NOL4: variants seen among roughly 807,000 people sequenced by gnomAD.
NOL4 encodes the protein nucleolar protein 4.
In NOL4, 17 loss-of-function variants were observed where a neutral mutation model predicts 75.9. The observed-to-expected ratio is 0.22, with a 90% CI of 0.15 to 0.34. NOL4 has a LOEUF of 0.34. NOL4 is among the 10% of genes least tolerant of loss of function. The pLI is 1.00. For synonymous variants in NOL4, 292 were observed against 289.9 expected, an observed-to-expected ratio of 1.01 and a Z score of -0.07; for missense variants, 614 against 793.5, an observed-to-expected ratio of 0.77 and a Z score of 2.72.
intron 1 of NOL4, among the ~76,000 whole-genome samples, chr18:34,146,163 T>C (rs2081383701): frequency 6.6e-6 from 1 of 152,080 alleles, no homozygotes; most frequent in South Asian, 2.1e-4. Context: ...AAAATGCAAG[T>C]AATTTTCAAA....
chr18:33,912,126 C>A (rs2066445161), intron 9 of NOL4, among the ~76,000 whole-genome samples: 1 of 152,034 alleles, frequency 6.6e-6, no homozygotes, highest in Non-Finnish European at 1.5e-5. Flanking sequence ...TCGACAGAGA[C>A]TGAGTGGCTT....
At chr18:34,151,397 T>C (rs965000730) in intron 1 of NOL4, among the ~76,000 whole-genome samples, 1 of 151,754 alleles carries the variant, frequency 6.6e-6, no homozygotes, top group African/African-American at 2.4e-5. Flanking sequence ...TATCAAGCCA[T>C]GAAAATACAT....
chr18:34,163,197 C>T (rs1252988059), intron 1 of NOL4, among the ~76,000 whole-genome samples: 2 of 152,278 alleles, frequency 1.3e-5, no homozygotes, highest in South Asian at 2.1e-4. Flanking sequence ...GGGATGCCCT[C>T]TCTCACCACT....
At chr18:33,996,564 C>T (rs2073299168) in intron 6 of NOL4, among the ~76,000 whole-genome samples, 1 of 151,824 alleles carries the variant, frequency 6.6e-6, no homozygotes, top group Non-Finnish European at 1.5e-5. Context: ...CACTTCAACA[C>T]TTTCCCTCTT....
chr18:34,081,873 T>C (rs574870671), intron 5 of NOL4, among the ~76,000 whole-genome samples: 141 of 152,278 alleles, frequency 9.3e-4, no homozygotes, highest in African/African-American at 3.2e-3. Flanking sequence ...GCAATTATTG[T>C]CAAGAGAGAT....
intron 5 of NOL4, among the ~76,000 whole-genome samples, chr18:34,076,226 G>T (rs1044768046): frequency 6.6e-6 from 1 of 152,134 alleles, no homozygotes; most frequent in Non-Finnish European, 1.5e-5. Context: ...CACTAGCAAA[G>T]TTGGCTTGGC....
intron 2 of NOL4, among the ~76,000 whole-genome samples, chr18:34,117,419 A>T (rs1376902792): frequency 6.6e-6 from 1 of 152,224 alleles, no homozygotes. Flanking sequence ...TTAACCTCAC[A>T]GCATAGGTTA....
At position 33,986,708 on chromosome 18, in the gene NOL4, T is replaced by C. The variant is rs538575221; in HGVS notation, c.1057-28290A>G. On this transcript the variant is annotated intron_variant, in intron 6 of 10. Coordinates refer to ENST00000261592, the MANE Select transcript of NOL4 (RefSeq NM_003787.5). ...ATGATATAGCCACTTTGACAATCAG[T>C]TGGGCATTTTTAAAAAATGTAACAT... Among the ~76,000 whole-genome samples, 25 of 152,200 alleles carry C rather than the reference T, an allele frequency of 1.6e-4. No individual in the cohort carries two copies. The South Asian group carries it at 5.0e-3, about 30-fold the overall frequency.
rs761922743 is a variant in NOL4, at chr18:34,223,389, G to T, written c.-136C>A. 7.8e-6 allele frequency: 10 copies of T among 1,289,942 alleles called. No individual in the cohort carries two copies. In the East Asian group the frequency reaches 2.2e-4, roughly 28 times the overall value. 79.9% of individuals were successfully genotyped at this position (1,289,942 alleles called of 1,614,324 possible). A position where few individuals can be genotyped will look rare whatever the true frequency, so the allele number is the denominator to read the frequency against. ...GCCGCAGCGGGAGCCTGCTTTGGGT[G>T]GGGGAAGGGATGGGAAGAGGGGAGG... On this transcript the variant is annotated 5_prime_UTR_variant, in exon 1 of 11. Coordinates refer to ENST00000261592, the MANE Select transcript of NOL4 (RefSeq NM_003787.5).
At chr18:33,996,824 G>C (rs1163553880) in intron 6 of NOL4, among the ~76,000 whole-genome samples, 1 of 151,804 alleles carries the variant, frequency 6.6e-6, no homozygotes, top group East Asian at 1.9e-4. Context: ...TGGGAACCTG[G>C]CTTGATTCCA....
chr18:34,105,393 G>A (rs1004748152), intron 2 of NOL4, among the ~76,000 whole-genome samples: 5 of 151,862 alleles, frequency 3.3e-5, no homozygotes, highest in African/African-American at 1.2e-4. Flanking sequence ...ACCACATCTC[G>A]ATGGGCATCT....
intron 1 of NOL4, among the ~76,000 whole-genome samples, chr18:34,148,006 G>A (rs146176780): frequency 0.019 from 2,875 of 152,152 alleles, 98 homozygotes; most frequent in African/African-American, 0.066. Flanking sequence ...TTTACATAGA[G>A]GTGTTTATAG....
chr18:34,149,730 A>C (rs1261390284), intron 1 of NOL4, among the ~76,000 whole-genome samples: 4 of 151,642 alleles, frequency 2.6e-5, no homozygotes, highest in Non-Finnish European at 5.9e-5. Context: ...CCTTTGGAGA[A>C]AGCTACTATT....
intron 5 of NOL4, among the ~76,000 whole-genome samples, chr18:34,091,494 T>C (rs2078523008): frequency 6.6e-6 from 1 of 152,110 alleles, no homozygotes; most frequent in Non-Finnish European, 1.5e-5. Flanking sequence ...TGCACTATCG[T>C]GGGAGAACAA....
At chr18:33,985,097 A>C (rs954396297) in intron 6 of NOL4, among the ~76,000 whole-genome samples, 3 of 152,144 alleles carry the variant, frequency 2.0e-5, no homozygotes, top group Non-Finnish European at 4.4e-5. Flanking sequence ...GTTTCAGAAC[A>C]AAAACTGATC....
At chr18:33,957,244 C>A in intron 8 of NOL4, 82 bp downstream of exon 8, 1 of 1,193,122 alleles carries the variant, frequency 8.4e-7, no homozygotes, top group Non-Finnish European at 1.1e-6. Flanking sequence ...AAAAAAGACA[C>A]TAAGATGGAA....
intron 6 of NOL4, among the ~76,000 whole-genome samples, chr18:34,016,807 G>A (rs1473996294): frequency 6.6e-6 from 1 of 152,096 alleles, no homozygotes; most frequent in Non-Finnish European, 1.5e-5. Flanking sequence ...AGCTTTTAAA[G>A]GGCAGGAATC....
At chr18:34,194,426 G>GGGAAGGAAGGAAGGAAGGAAGGAAGGAA (rs796904055) in intron 1 of NOL4, among the ~76,000 whole-genome samples, 38 of 128,074 alleles carry the variant, frequency 3.0e-4, no homozygotes, top group African/African-American at 1.0e-3. Context: ...GAGGGAGGGA[G>GGGAAGGAAGGAAGGAAGGAAGGAAGGAA]GGAAGGAAGG....
chr18:33,853,619 G>A, intron 10 of NOL4, among the ~76,000 whole-genome samples: 1 of 151,894 alleles, frequency 6.6e-6, no homozygotes, highest in South Asian at 2.1e-4. Context: ...TTCATTTCAG[G>A]CAGATGTTGT....
Sources: allele counts gnomAD v4.1 joint callset (sites outside exome capture counted in the v4.1 genomes callset), GRCh38; gene constraint gnomAD v4.1.1; transcripts MANE v1.5; gene names NCBI Gene and HGNC (gene_info 2026-07-23, HGNC 2026-07-21).